Variants in USP1 observed in about 807,000 individuals in gnomAD.
USP1 encodes the protein ubiquitin carboxyl-terminal hydrolase 1.
USP1 carries 18 observed loss-of-function variants against 72.2 expected under a neutral mutation model. That is an observed-to-expected ratio of 0.25 (90% CI 0.17 to 0.37). USP1 has a LOEUF of 0.37. Ranked by LOEUF, USP1 falls within the 10% of genes least tolerant of loss-of-function variation. The pLI is 1.00. For synonymous variants in USP1, 354 were observed against 303.7 expected (o/e 1.17, Z -1.72); for missense variants, 759 against 884.9 (o/e 0.86, Z 1.81).
chr1:62,451,592 T>G lies in USP1; in HGVS notation c.*611T>G, dbSNP rs530757102. The G allele has an allele frequency of 1.6e-4, 25 of 152,848 alleles. No individual in the cohort carries two copies. The highest frequency in any genetic ancestry group is 5.0e-4 in the African/African-American group (21 of 41,588). The allele number at this position is 152,848 out of a possible 1,614,324, so 9.5% of individuals were successfully genotyped here. On this transcript the variant is annotated 3_prime_UTR_variant, in exon 9 of 9. Coordinates refer to ENST00000339950, the MANE Select transcript of USP1 (RefSeq NM_003368.5). ...ATGAAGATGATTCTGTACCCTAGTATATCTTTTTGGGCATGGACTAATTTG... is the reference window on the plus strand; with the variant it reads ...ATGAAGATGATTCTGTACCCTAGTAGATCTTTTTGGGCATGGACTAATTTG...
At chr1:62,446,623 ACTG>A (rs1221984280) in intron 6 of USP1, among the ~76,000 whole-genome samples, 181 of 152,274 alleles carry the variant, frequency 1.2e-3, no homozygotes, top group African/African-American at 4.0e-3. Context: ...GTGGTGCATA[ACTG>A]TAAGTTACAC....
In USP1 at chr1:62,437,092, C is replaced by A. The variant is rs967186867; in HGVS notation, c.-378C>A. On this transcript the variant is annotated 5_prime_UTR_variant, in exon 1 of 9. Transcript: ENST00000339950. ...CCTCGGTGGCGGAGTGCTAAAGACC[C>A]TAGCGGTTCAGGCGTTCGGCGAGCG... is the stretch of plus-strand genomic sequence containing the variant. The A allele has an allele frequency of 1.0e-5, 4 of 398,952 alleles. No homozygotes were observed. Among genetic ancestry groups the A allele is most frequent in the Non-Finnish European group, 1.8e-5 (4 of 226,000 alleles). 24.7% of individuals were successfully genotyped at this position (398,952 alleles called of 1,614,324 possible).
At position 62,443,236 on chromosome 1, in the gene USP1, G is replaced by A; in HGVS notation, c.474G>A (p.Gln158=). 1 of 1,614,038 alleles carries A rather than the reference G, an allele frequency of 6.2e-7. No homozygotes were observed. Among genetic ancestry groups the A allele is most frequent in the Non-Finnish European group, 8.5e-7 (1 of 1,179,982 alleles). ...AGTCCTTAATCATTTCGGTTGAACAGCTCCAGGCTAGTTTTCTCTTAAATC... is the reference window on the plus strand; with the variant it reads ...AGTCCTTAATCATTTCGGTTGAACAACTCCAGGCTAGTTTTCTCTTAAATC... ...SLQSLIISVE[Q]LQASFLLNPE... is the part of the protein sequence containing the mutation. The change falls in exon 5 of 9, where the codon CAG becomes CAA. Residue 158 remains glutamine (Q), a synonymous_variant. Coordinates refer to ENST00000339950, the MANE Select transcript of USP1 (RefSeq NM_003368.5).
chr1:62,437,048 G>A (rs906909301), upstream of USP1: 1 of 398,592 alleles, frequency 2.5e-6, no homozygotes, highest in African/African-American at 2.1e-5. Context: ...CTGAGACTGA[G>A]GAAAACGCGC....
intron 5 of USP1, among the ~76,000 whole-genome samples, chr1:62,443,771 T>C (rs1426024664): frequency 6.6e-6 from 1 of 152,224 alleles, no homozygotes; most frequent in Non-Finnish European, 1.5e-5. Flanking sequence ...ATTCCAAATA[T>C]TCTATTTTTA....
chr1:62,441,416 T>G (rs1645133270), intron 2 of USP1, 72 bp from the exon 3 acceptor site: 1 of 1,435,496 alleles, frequency 7.0e-7, no homozygotes, highest in South Asian at 1.6e-5. Context: ...AAAGACTAAA[T>G]CTACAGAAGT....
chr1:62,449,301 G>A (rs1375301443), intron 8 of USP1, among the ~76,000 whole-genome samples: 3 of 151,966 alleles, frequency 2.0e-5, no homozygotes, highest in South Asian at 4.1e-4. Flanking sequence ...TTGAAGGGGC[G>A]GGAAAGGCTA....
intron 2 of USP1, 36 bp from the exon 3 acceptor site, chr1:62,441,452 A>G (rs374976514): frequency 1.4e-5 from 21 of 1,543,842 alleles, no homozygotes; most frequent in Non-Finnish European, 3.5e-6. Context: ...TTTCTTTAAG[A>G]TAACTACTTA....
chr1:62,440,499 G>A (rs1339510971), intron 2 of USP1, among the ~76,000 whole-genome samples: 1 of 152,112 alleles, frequency 6.6e-6, no homozygotes, highest in Non-Finnish European at 1.5e-5. Flanking sequence ...TTTAAGTAAT[G>A]CTTTTGATGC....
At chr1:62,447,069 T>G (rs1645180621) in intron 6 of USP1, among the ~76,000 whole-genome samples, 1 of 152,196 alleles carries the variant, frequency 6.6e-6, no homozygotes, top group African/African-American at 2.4e-5. Flanking sequence ...CGCCTCAGCC[T>G]CCCAAAGTCT....
rs1645093580 is a variant in USP1 at position 62,437,113 on chromosome 1, G to A, written c.-357G>A. The A allele has an allele frequency of 2.5e-6, 1 of 399,136 alleles. No individual in the cohort carries two copies. The highest frequency in any genetic ancestry group is 6.3e-4 in the Middle Eastern group (1 of 1,590). 24.7% of individuals were successfully genotyped at this position (399,136 alleles called of 1,614,324 possible). A position where few individuals can be genotyped will look rare whatever the true frequency, so the allele number is the denominator to read the frequency against. ...GACCCTAGCGGTTCAGGCGTTCGGC[G>A]AGCGGGGCCGCTGCTTGTTGCGCTC... On this transcript the variant is annotated 5_prime_UTR_variant, in exon 1 of 9. Coordinates refer to ENST00000339950, the MANE Select transcript of USP1 (RefSeq NM_003368.5).
At chr1:62,442,557 AAT>A (rs1404694612) in intron 4 of USP1, among the ~76,000 whole-genome samples, 4 of 152,160 alleles carry the variant, frequency 2.6e-5, no homozygotes, top group African/African-American at 9.7e-5. Flanking sequence ...CTATAATCAC[AAT>A]ATGTTATACC....
intron 7 of USP1, 35 bp from the exon 8 acceptor site, chr1:62,448,430 G>C (rs1307617994): frequency 6.3e-7 from 1 of 1,592,750 alleles, no homozygotes; most frequent in Non-Finnish European, 8.6e-7. Context: ...GAATGCCTGA[G>C]AGAAGTATTT....
upstream of USP1, chr1:62,436,971 G>A: frequency 2.5e-6 from 1 of 396,474 alleles, no homozygotes; most frequent in Non-Finnish European, 4.4e-6. Context: ...GACTGGAACC[G>A]GCAATTTCAA....
At chr1:62,447,988 A>G (rs370616718) in intron 7 of USP1, among the ~76,000 whole-genome samples, 77 of 152,158 alleles carry the variant, frequency 5.1e-4, no homozygotes, top group East Asian at 1.2e-3. Flanking sequence ...GGGTTTCACC[A>G]TGTTAGCCAG....
chr1:62,439,070 A>G (rs1225771835), intron 1 of USP1, among the ~76,000 whole-genome samples: 3 of 152,106 alleles, frequency 2.0e-5, no homozygotes, highest in African/African-American at 7.2e-5. Flanking sequence ...GGAAGAGAGG[A>G]CTCATCGTCC....
At position 62,441,517 on chromosome 1, in the gene USP1, C is replaced by T. The variant is rs952939423; in HGVS notation, c.200C>T (p.Ser67Leu). 1.2e-6 allele frequency: 2 copies of T among 1,612,700 alleles called. No individual in the cohort carries two copies. Among genetic ancestry groups the T allele is most frequent in the Non-Finnish European group, 1.7e-6 (2 of 1,179,468 alleles). Residue 67 changes from serine to leucine, a missense_variant, in exon 3 of 9, where the codon TCA (serine) becomes TTA (leucine). Transcript: ENST00000339950. Reference sequence around the variant, plus strand: ...CAAGTTGTTCCTGCAGCACAGTCTTCACCTATAAACTGTGAGAAGAGAGAA... The same window carrying T: ...CAAGTTGTTCCTGCAGCACAGTCTTTACCTATAAACTGTGAGAAGAGAGAA... ...IDQVVPAAQS[S>L]PINCEKRENL... is the part of the protein sequence containing the mutation.
At position 62,443,160 on chromosome 1, in the gene USP1, G is replaced by A; in HGVS notation, c.398G>A (p.Gly133Glu). Residue 133 changes from glycine to glutamate, a missense_variant and splice_region_variant, in exon 5 of 9, where the codon GGA becomes GAA. Physicochemically the swap from Gly to Glu is moderately conservative, Grantham distance 98. Around this residue, in one of 9 missense-constraint regions of USP1, gnomAD observed 71 missense variants for 71.0 expected, o/e 1.00. Coordinates refer to ENST00000339950, the MANE Select transcript of USP1 (RefSeq NM_003368.5). ...GTTTGTGTGTTTCTTTCTTGACAGG[G>A]AAATTGCAAAGAAGATTCTTTGGCA... ...LKDEANQKDKGNCKEDSLASY... is the reference protein window; with the variant it reads ...LKDEANQKDKENCKEDSLASY... The A allele has an allele frequency of 6.2e-7, 1 of 1,606,506 alleles. No individual in the cohort carries two copies. Among genetic ancestry groups the A allele is most frequent in the African/African-American group, 1.3e-5 (1 of 74,442 alleles).
At position 62,450,590 on chromosome 1, in the gene USP1, A is replaced by G; in HGVS notation, c.1967A>G (p.Lys656Arg). 6.2e-7 allele frequency: 1 copy of G among 1,614,048 alleles called. No homozygotes were observed. The highest frequency in any genetic ancestry group is 8.5e-7 in the Non-Finnish European group (1 of 1,180,032). The change falls in exon 9 of 9, where the codon AAA (lysine) becomes AGA (arginine). Residue 656 changes from lysine to arginine, a missense_variant. Physicochemically the swap from Lys to Arg is conservative, Grantham distance 26. Transcript: ENST00000339950. ...GTTGGTGGAAATACACAGCCAAGTA[A>G]AGTTTTGAACAAAAAAAATGTAGAA... Reference protein sequence around the residue: ...IRVGGNTQPSKVLNKKNVEAI... With the variant: ...IRVGGNTQPSRVLNKKNVEAI...
Sources: gnomAD v4.1 joint callset for allele counts (sites outside exome capture counted in the v4.1 genomes callset) on GRCh38, gnomAD v4.1.1 for gene constraint, gnomAD v4.1.1 regional missense constraint, MANE v1.5 for transcripts, NCBI Gene and HGNC (gene_info 2026-07-23, HGNC 2026-07-21) for gene names.